OTUB1: variants seen among roughly 807,000 people sequenced by gnomAD.
The protein encoded by OTUB1 is ubiquitin thioesterase OTUB1.
A neutral mutation model predicts 35.8 loss-of-function variants in OTUB1; 10 were observed. The ratio of observed to expected loss-of-function variants is 0.28; its 90% CI spans 0.17 to 0.47. OTUB1 has a LOEUF of 0.47. Ranked by LOEUF, OTUB1 falls within the 20% of genes least tolerant of loss-of-function variation. The pLI is 0.99. For synonymous variants in OTUB1, 158 were observed against 143.8 expected (o/e 1.10, Z -0.71); for missense variants, 264 against 351.6 (o/e 0.75, Z 1.99).
At chr11:63,997,270 C>G (rs1041938881) in intron 6 of OTUB1, 26 bp downstream of exon 6, 3 of 1,610,894 alleles carry the variant, frequency 1.9e-6, no homozygotes, top group Non-Finnish European at 1.7e-6. Flanking sequence ...CCTTTACTCT[C>G]GGCCGGGGGA....
rs773216008 is a variant in OTUB1 at position 63,996,780 on chromosome 11, G to A, written c.339-77G>A. ...GCTGGACTCTGGCCTTGCCAGGCGG[G>A]GCAGTGCTGTCTCGGCCCTGGCGTC... On this transcript the variant is annotated intron_variant, in intron 4 of 6. Coordinates refer to ENST00000538426, the MANE Select transcript of OTUB1 (RefSeq NM_017670.3). 3.4e-5 allele frequency: 55 copies of A among 1,609,796 alleles called. 1 individual carries two copies. In the South Asian group the frequency reaches 5.9e-4, roughly 17 times the overall value.
chr11:63,989,165 C>CAA (rs1327898007), intron 3 of OTUB1: 2 of 155,390 alleles, frequency 1.3e-5, no homozygotes, highest in Non-Finnish European at 1.4e-5. Context: ...ACTAAAAATA[C>CAA]AAAAATTAGC....
Position 63,986,494 on chromosome 11 carries a change from C to CA in OTUB1, c.38_39insA (p.Leu14AlafsTer9). 6.4e-7 allele frequency: 1 copy of CA among 1,552,708 alleles called. No individual in the cohort carries two copies. The highest frequency in any genetic ancestry group is 8.7e-7 in the Non-Finnish European group (1 of 1,148,516). On this transcript the variant is annotated frameshift_variant, in exon 1 of 7. Transcript: ENST00000538426. LOFTEE classifies it high-confidence loss of function. ...GAACCTCAGCAGCAGAAGCAGGAGCCGCTGGGCAGCGACTCCGAAGGTACA... is the reference window on the plus strand; with the variant it reads ...GAACCTCAGCAGCAGAAGCAGGAGCCAGCTGGGCAGCGACTCCGAAGGTACA...
At chr11:63,995,500 A>C (rs560667435) in intron 3 of OTUB1, among the ~76,000 whole-genome samples, 1 of 151,338 alleles carries the variant, frequency 6.6e-6, no homozygotes, top group African/African-American at 2.4e-5. Flanking sequence ...CCAGCCACTT[A>C]TTTTTTTTAG....
chr11:63,995,357 G>A (rs904190034), intron 3 of OTUB1, among the ~76,000 whole-genome samples: 5 of 152,064 alleles, frequency 3.3e-5, no homozygotes, highest in Admixed American at 2.0e-4. Flanking sequence ...CCACCATGCC[G>A]AGCTAATTTT....
chr11:63,995,361 T>A (rs905885251), intron 3 of OTUB1, among the ~76,000 whole-genome samples: 1 of 152,172 alleles, frequency 6.6e-6, no homozygotes, highest in Non-Finnish European at 1.5e-5. Context: ...CATGCCGAGC[T>A]AATTTTATAT....
At chr11:63,995,038 C>CT (rs887821875) in intron 3 of OTUB1, among the ~76,000 whole-genome samples, 25 of 148,920 alleles carry the variant, frequency 1.7e-4, no homozygotes, top group East Asian at 5.9e-4. Flanking sequence ...AGGATGATGT[C>CT]TTTTTTTTTT....
intron 3 of OTUB1, among the ~76,000 whole-genome samples, chr11:63,994,200 C>T (rs755367072): frequency 6.6e-6 from 1 of 152,090 alleles, no homozygotes; most frequent in Non-Finnish European, 1.5e-5. Context: ...GGGAGACAGC[C>T]CTCATGCCCG....
chr11:63,988,026 G>T (rs78786669), intron 1 of OTUB1, among the ~76,000 whole-genome samples: 1 of 152,212 alleles, frequency 6.6e-6, no homozygotes, highest in Non-Finnish European at 1.5e-5. Context: ...TGTAATCCCA[G>T]CACTTTGGGA....
chr11:63,996,406 T>G, intron 3 of OTUB1, 124 bp from the exon 4 acceptor site: 1 of 963,058 alleles, frequency 1.0e-6, no homozygotes. Flanking sequence ...GGACCCAGGG[T>G]GGCAGGTGGC....
Position 63,997,503 on chromosome 11 carries a change from A to G in OTUB1, c.773A>G (p.Tyr258Cys), listed in dbSNP as rs1403633673. The G allele has an allele frequency of 2.5e-6, 4 of 1,613,938 alleles. No individual in the cohort carries two copies. Among genetic ancestry groups the G allele is most frequent in the Admixed American group, 1.7e-5 (1 of 60,002 alleles). The change falls in exon 7 of 7, where the codon TAC becomes TGC. Residue 258 changes from tyrosine (Y) to cysteine (C), a missense_variant. This residue lies in a region of OTUB1 where 214 missense variants were observed against 317.1 expected (regional missense o/e 0.67). Coordinates refer to ENST00000538426, the MANE Select transcript of OTUB1 (RefSeq NM_017670.3). Reference protein sequence around the residue: ...IFPEGSEPKVYLLYRPGHYDI... With the variant: ...IFPEGSEPKVCLLYRPGHYDI... ...CCTGAGGGCTCCGAGCCCAAGGTCTACCTTCTCTACCGGCCTGGACACTAC... is the reference window on the plus strand; with the variant it reads ...CCTGAGGGCTCCGAGCCCAAGGTCTGCCTTCTCTACCGGCCTGGACACTAC...
chr11:63,998,170 A>C lies in OTUB1; in HGVS notation c.*624A>C, dbSNP rs1310092279. Reference sequence around the variant, plus strand: ...CCTGGTGGGGGAGGGCAGCCTTCAAACGTGTGGGGTCTACAGTCCTCAGGT... The same window carrying C: ...CCTGGTGGGGGAGGGCAGCCTTCAACCGTGTGGGGTCTACAGTCCTCAGGT... On this transcript the variant is annotated 3_prime_UTR_variant, in exon 7 of 7. Transcript: ENST00000538426. 2 of 256,438 alleles carry C rather than the reference A, an allele frequency of 7.8e-6. No homozygotes were observed. The highest frequency in any genetic ancestry group is 1.5e-5 in the Non-Finnish European group (2 of 131,156). The allele number at this position is 256,438 out of a possible 1,614,324, so 15.9% of individuals were successfully genotyped here.
At chr11:63,990,596 A>AAAAAAAT (rs201888645) in intron 3 of OTUB1, 10 of 143,988 alleles carry the variant, frequency 6.9e-5, no homozygotes, top group African/African-American at 2.7e-4. Flanking sequence ...AAAAAAATAA[A>AAAAAAAT]AAAATAAATA....
chr11:63,993,675 A>AT (rs1233629092), intron 3 of OTUB1, among the ~76,000 whole-genome samples: 1 of 151,888 alleles, frequency 6.6e-6, no homozygotes, highest in Non-Finnish European at 1.5e-5. Flanking sequence ...AAAAAAAAAA[A>AT]AAAATTGCTT....
chr11:63,993,220 G>A (rs1942688230), intron 3 of OTUB1, among the ~76,000 whole-genome samples: 4 of 152,146 alleles, frequency 2.6e-5, no homozygotes, highest in South Asian at 2.1e-4. Context: ...GGGCAGCCTC[G>A]GGGAGGAGCA....
intron 3 of OTUB1, among the ~76,000 whole-genome samples, chr11:63,990,927 G>C (rs1056271775): frequency 3.3e-5 from 5 of 152,212 alleles, no homozygotes; most frequent in Admixed American, 1.3e-4. Flanking sequence ...GGTAACCACA[G>C]CTCCTGACTT....
chr11:63,998,118 T>G lies in OTUB1; in HGVS notation c.*572T>G. ...TCAGGGCAGGTGGAGGAGCTGGGCC[T>G]CCCACAGGGTGCCCGGGCAGTGCCA... On this transcript the variant is annotated 3_prime_UTR_variant, in exon 7 of 7. Transcript: ENST00000538426. 1 of 318,358 alleles carries G rather than the reference T, an allele frequency of 3.1e-6. No homozygotes were observed. Among genetic ancestry groups the G allele is most frequent in the South Asian group, 3.5e-5 (1 of 28,480 alleles). 19.7% of individuals were successfully genotyped at this position (318,358 alleles called of 1,614,324 possible).
intron 1 of OTUB1, 145 bp downstream of exon 1, chr11:63,986,659 C>T: frequency 1.5e-6 from 1 of 656,380 alleles, no homozygotes; most frequent in South Asian, 2.0e-5. Context: ...GCTGCCTCCC[C>T]TCCCCCTCAC....
chr11:63,988,843 C>CA, intron 3 of OTUB1, 91 bp downstream of exon 3: 1 of 802,466 alleles, frequency 1.2e-6, no homozygotes, highest in Non-Finnish European at 2.2e-6. Flanking sequence ...GGTCTGTCAC[C>CA]TGAGGGAGTA....
Sources: allele counts gnomAD v4.1 joint callset (sites outside exome capture counted in the v4.1 genomes callset), GRCh38; gene constraint gnomAD v4.1.1; regional missense constraint gnomAD v4.1.1; transcripts MANE v1.5; gene names NCBI Gene and HGNC (gene_info 2026-07-23, HGNC 2026-07-21).